Variants in CTTNBP2 observed in about 807,000 individuals in gnomAD.
CTTNBP2 encodes the protein cortactin-binding protein 2.
CTTNBP2 carries 108 observed loss-of-function variants against 156.9 expected under a neutral mutation model. The observed-to-expected ratio is 0.69, with a 90% CI of 0.59 to 0.81. The LOEUF (loss-of-function observed/expected upper bound fraction) is 0.81. Ranked by LOEUF, CTTNBP2 falls within the 30% of genes least tolerant of loss-of-function variation. The pLI is 0.00. For synonymous variants in CTTNBP2, 767 were observed against 751.8 expected (o/e 1.02, Z -0.33); for missense variants, 1,924 against 2,035.4 (o/e 0.95, Z 1.05).
At chr7:117,812,285 G>GA (rs1332974041) in intron 2 of CTTNBP2, among the ~76,000 whole-genome samples, 6 of 151,362 alleles carry the variant, frequency 4.0e-5, no homozygotes, top group African/African-American at 9.7e-5. Context: ...CCACTAGAAT[G>GA]AAAAAAAATC....
intron 7 of CTTNBP2, 95 bp downstream of exon 7, chr7:117,780,346 C>T (rs1487896556): frequency 1.6e-5 from 13 of 818,292 alleles, no homozygotes; most frequent in Non-Finnish European, 2.2e-5. Flanking sequence ...AATAAAGCAA[C>T]CTCTATTTTA....
At chr7:117,768,396 A>G (rs1239203997) in intron 8 of CTTNBP2, among the ~76,000 whole-genome samples, 1 of 151,708 alleles carries the variant, frequency 6.6e-6, no homozygotes, top group Admixed American at 6.6e-5. Context: ...GTAAAACCCC[A>G]TCCTACTAAA....
intron 17 of CTTNBP2, among the ~76,000 whole-genome samples, chr7:117,726,769 C>A (rs1468196371): frequency 6.6e-6 from 1 of 152,110 alleles, no homozygotes; most frequent in Non-Finnish European, 1.5e-5. Context: ...ATCCAGCAAC[C>A]ACATGGGCTA....
intron 2 of CTTNBP2, among the ~76,000 whole-genome samples, chr7:117,859,680 C>A (rs1448957282): frequency 6.6e-6 from 1 of 152,164 alleles, no homozygotes; most frequent in East Asian, 1.9e-4. Context: ...GGAAAATTTA[C>A]ATTTGCCAGC....
chr7:117,776,537 T>C (rs1267462143), intron 8 of CTTNBP2, among the ~76,000 whole-genome samples: 2 of 152,154 alleles, frequency 1.3e-5, no homozygotes, highest in Non-Finnish European at 2.9e-5. Flanking sequence ...GGACCTGTTA[T>C]CCACCTCCCT....
Position 117,796,772 on chromosome 7 carries a change from G to C in CTTNBP2, c.415-3991C>G, listed in dbSNP as rs559148980. 9.2e-5 allele frequency among the ~76,000 whole-genome samples: 14 copies of C among 152,296 alleles called. No homozygotes were observed. The South Asian group carries it at 2.7e-3, about 29-fold the overall frequency. On this transcript the variant is annotated intron_variant, in intron 3 of 22. Coordinates refer to ENST00000160373, the MANE Select transcript of CTTNBP2 (RefSeq NM_033427.3). ...CACTAGAGGCATACAAAAATCTAGA[G>C]AATACACCATATTAAACATGTAGAT...
rs760139669 is a variant in CTTNBP2 at position 117,873,440 on chromosome 7, G to C, written c.-25C>G. ...TCTTCCTGCTCTAGCGGATCCGAAT[G>C]CGAGCTCGGAGCCGCGGCTCCGGAC... On this transcript the variant is annotated 5_prime_UTR_variant, in exon 1 of 23. Transcript: ENST00000160373. The C allele has an allele frequency of 6.1e-5, 89 of 1,447,948 alleles. No individual in the cohort carries two copies. The highest frequency in any genetic ancestry group is 8.0e-5 in the Non-Finnish European group (88 of 1,103,568). The allele number at this position is 1,447,948 out of a possible 1,614,324, so 89.7% of individuals were successfully genotyped here.
chr7:117,754,427 G>A (rs951668230), intron 12 of CTTNBP2, among the ~76,000 whole-genome samples: 4 of 152,158 alleles, frequency 2.6e-5, no homozygotes, highest in African/African-American at 9.7e-5. Context: ...AAGGTAAACT[G>A]TATGAGGCCA....
chr7:117,824,081 A>G (rs1049151514), intron 2 of CTTNBP2, among the ~76,000 whole-genome samples: 2 of 151,856 alleles, frequency 1.3e-5, no homozygotes, highest in East Asian at 3.9e-4. Flanking sequence ...GGTAACCCTC[A>G]CAACAGTAGA....
At chr7:117,870,335 G>A (rs910909916) in intron 1 of CTTNBP2, among the ~76,000 whole-genome samples, 5 of 152,082 alleles carry the variant, frequency 3.3e-5, no homozygotes, top group Admixed American at 2.0e-4. Flanking sequence ...TAGCTGCCAC[G>A]TAACTATAAT....
intron 2 of CTTNBP2, among the ~76,000 whole-genome samples, chr7:117,848,611 A>T (rs1802746713): frequency 6.6e-6 from 1 of 152,140 alleles, no homozygotes; most frequent in Admixed American, 6.5e-5. Context: ...ACAACACATC[A>T]TGTGTAACTC....
chr7:117,773,701 ACACACACC>A (rs1215676060), intron 8 of CTTNBP2, among the ~76,000 whole-genome samples: 1 of 122,138 alleles, frequency 8.2e-6, no homozygotes, highest in Non-Finnish European at 1.7e-5. Context: ...ACACACACAC[ACACACACC>A]CCAAAAAACA....
chr7:117,757,487 T>G (rs1796945089), intron 11 of CTTNBP2, among the ~76,000 whole-genome samples: 1 of 146,522 alleles, frequency 6.8e-6, no homozygotes, highest in South Asian at 2.1e-4. Flanking sequence ...AACATTAGCC[T>G]GTACCATCGT....
At chr7:117,727,432 T>G (rs1795152958) in intron 17 of CTTNBP2, among the ~76,000 whole-genome samples, 1 of 152,124 alleles carries the variant, frequency 6.6e-6, no homozygotes, top group African/African-American at 2.4e-5. Context: ...TGGCCTCAAG[T>G]GATCCTCCCC....
At chr7:117,845,781 G>T (rs111962594) in intron 2 of CTTNBP2, among the ~76,000 whole-genome samples, 4 of 152,288 alleles carry the variant, frequency 2.6e-5, no homozygotes, top group African/African-American at 9.6e-5. Flanking sequence ...ATGGTGTAAC[G>T]AATGTGATCT....
At chr7:117,844,595 C>T (rs1030041726) in intron 2 of CTTNBP2, among the ~76,000 whole-genome samples, 8 of 152,090 alleles carry the variant, frequency 5.3e-5, no homozygotes, top group African/African-American at 1.7e-4. Context: ...TAGCAAGCAA[C>T]CATTCTAAGG....
chr7:117,869,072 C>T (rs901901898), intron 1 of CTTNBP2, among the ~76,000 whole-genome samples: 1 of 152,308 alleles, frequency 6.6e-6, no homozygotes, highest in Non-Finnish European at 1.5e-5. Flanking sequence ...GGTAGAGGTG[C>T]AGCCTCAATC....
intron 4 of CTTNBP2, among the ~76,000 whole-genome samples, chr7:117,787,947 T>C (rs1430661492): frequency 6.6e-6 from 1 of 152,120 alleles, no homozygotes; most frequent in Non-Finnish European, 1.5e-5. Flanking sequence ...AGTTTAAATC[T>C]TTTTTTGTTC....
intron 12 of CTTNBP2, among the ~76,000 whole-genome samples, chr7:117,756,347 C>A (rs937303038): frequency 2.0e-5 from 3 of 151,994 alleles, no homozygotes; most frequent in Non-Finnish European, 4.4e-5. Context: ...GTCTCTGGAT[C>A]CAGGCAATAG....
Sources: gnomAD v4.1 joint callset for allele counts (sites outside exome capture counted in the v4.1 genomes callset) on GRCh38, gnomAD v4.1.1 for gene constraint, MANE v1.5 for transcripts, NCBI Gene and HGNC (gene_info 2026-07-23, HGNC 2026-07-21) for gene names.